Variants in ATRNL1 observed in about 807,000 individuals in gnomAD.
ATRNL1 encodes attractin like 1, also known as attractin-like protein 1.
Under a neutral mutation model 182.7 loss-of-function variants are expected in ATRNL1, and 95 were observed. That is an observed-to-expected ratio of 0.52 (90% CI 0.44 to 0.62). The LOEUF is 0.62. Ranked by LOEUF, ATRNL1 falls within the 20% of genes least tolerant of loss-of-function variation. The pLI is 0.00. For synonymous variants in ATRNL1, 576 were observed against 568.3 expected, an observed-to-expected ratio of 1.01 and a Z score of -0.19; for missense variants, 1,471 against 1,679.5, an observed-to-expected ratio of 0.88 and a Z score of 2.17.
intron 26 of ATRNL1, among the ~76,000 whole-genome samples, chr10:115,588,625 T>G (rs1855718405): frequency 6.6e-6 from 1 of 152,186 alleles, no homozygotes; most frequent in Non-Finnish European, 1.5e-5. Context: ...AGCTGGGAGT[T>G]TGGGGTTCCT....
chr10:115,594,968 T>G (rs1856144506), intron 26 of ATRNL1, among the ~76,000 whole-genome samples: 1 of 152,202 alleles, frequency 6.6e-6, no homozygotes, highest in African/African-American at 2.4e-5. Flanking sequence ...TCTATTGAGG[T>G]GTAATTTGCA....
intron 5 of ATRNL1, among the ~76,000 whole-genome samples, chr10:115,139,539 A>G (rs1845669737): frequency 6.6e-6 from 1 of 152,196 alleles, no homozygotes. Context: ...TACAACCATC[A>G]GATCTTGTGA....
chr10:115,133,716 C>T (rs564852838), intron 5 of ATRNL1, among the ~76,000 whole-genome samples: 2 of 152,322 alleles, frequency 1.3e-5, no homozygotes, highest in East Asian at 3.9e-4. Flanking sequence ...ATCTACAGAA[C>T]TCTCCACCCC....
At chr10:115,653,975 A>T (rs782645283) in intron 26 of ATRNL1, among the ~76,000 whole-genome samples, 4 of 152,180 alleles carry the variant, frequency 2.6e-5, no homozygotes, top group Non-Finnish European at 4.4e-5. Flanking sequence ...TACTGATATT[A>T]AATATGATTA....
At position 115,929,536 on chromosome 10, in the gene ATRNL1, C is replaced by A. The variant is rs75075716; in HGVS notation, c.4019-15122C>A. ...CAGAGACATGCCAGGTATGAAGGAACCCAAGGCTGGAGTAGGTCAGAGGGT... is the reference window on the plus strand; with the variant it reads ...CAGAGACATGCCAGGTATGAAGGAAACCAAGGCTGGAGTAGGTCAGAGGGT... On this transcript the variant is annotated intron_variant, in intron 28 of 28. Transcript: ENST00000355044. Among the ~76,000 whole-genome samples the A allele has an allele frequency of 5.3e-4, 81 of 152,180 alleles. No homozygotes were observed. In the East Asian group the frequency reaches 6.4e-3, roughly 12 times the overall value.
At chr10:115,174,655 T>A (rs782271820) in intron 8 of ATRNL1, among the ~76,000 whole-genome samples, 4 of 151,964 alleles carry the variant, frequency 2.6e-5, no homozygotes, top group African/African-American at 4.8e-5. Flanking sequence ...TAATTAACTC[T>A]GCCTTGTAGC....
At chr10:115,501,280 T>G (rs1849822634) in intron 24 of ATRNL1, among the ~76,000 whole-genome samples, 1 of 152,084 alleles carries the variant, frequency 6.6e-6, no homozygotes, top group African/African-American at 2.4e-5. Context: ...ATTTGTACCA[T>G]TAAATACCTA....
At chr10:115,876,874 G>A (rs541107761) in intron 28 of ATRNL1, among the ~76,000 whole-genome samples, 1 of 152,264 alleles carries the variant, frequency 6.6e-6, no homozygotes, top group African/African-American at 2.4e-5. Context: ...ACAGTTCCAG[G>A]AAAGGAAACA....
chr10:115,747,150 A>G (rs1257315689), intron 27 of ATRNL1, among the ~76,000 whole-genome samples: 1 of 152,136 alleles, frequency 6.6e-6, no homozygotes, highest in Non-Finnish European at 1.5e-5. Flanking sequence ...GATAGAAAAG[A>G]AACAAAATAC....
At chr10:115,237,949 C>T (rs1159599194) in intron 9 of ATRNL1, among the ~76,000 whole-genome samples, 1 of 152,266 alleles carries the variant, frequency 6.6e-6, no homozygotes, top group Non-Finnish European at 1.5e-5. Flanking sequence ...TCTGTTATTA[C>T]TACTGTGATG....
intron 5 of ATRNL1, among the ~76,000 whole-genome samples, chr10:115,140,204 CT>C (rs1845701642): frequency 6.6e-6 from 1 of 152,040 alleles, no homozygotes. Flanking sequence ...CCGTGGCTGC[CT>C]AGAGATATGA....
rs535108671 is a variant in ATRNL1 at position 115,898,960 on chromosome 10, CT to C, written c.4019-45688del. On this transcript the variant is annotated intron_variant, in intron 28 of 28. Transcript: ENST00000355044. ...TTACTTTTTTCTTCTCCTTTTTTTT[CT>C]TTTTTTTTTATTATACTTTAAGTTC... is the stretch of plus-strand genomic sequence containing the variant. Among the ~76,000 whole-genome samples the C allele has an allele frequency of 2.8e-3, 414 of 147,112 alleles. 2 individuals are homozygous for C. Among genetic ancestry groups the C allele is most frequent in the South Asian group, 0.013 (60 of 4,626 alleles).
chr10:115,885,189 T>C (rs1951914770), intron 28 of ATRNL1, among the ~76,000 whole-genome samples: 1 of 152,182 alleles, frequency 6.6e-6, no homozygotes, highest in African/African-American at 2.4e-5. Context: ...TTGTGTCTTA[T>C]CAAAAATAAA....
chr10:115,587,312 G>A (rs1255855415), intron 26 of ATRNL1, among the ~76,000 whole-genome samples: 7 of 152,186 alleles, frequency 4.6e-5, no homozygotes, highest in Non-Finnish European at 1.5e-5. Context: ...TGGCTGCTTT[G>A]TTTACCTGAC....
At chr10:115,327,359 A>G (rs1318771172) in intron 18 of ATRNL1, among the ~76,000 whole-genome samples, 20 of 152,152 alleles carry the variant, frequency 1.3e-4, no homozygotes, top group Non-Finnish European at 2.6e-4. Flanking sequence ...TGACCATCAG[A>G]GAAATGCAAA....
chr10:115,589,925 AT>A lies in ATRNL1; in HGVS notation c.3795+40393del, dbSNP rs1274562999. Among the ~76,000 whole-genome samples the A allele has an allele frequency of 2.0e-5, 3 of 152,004 alleles. No individual in the cohort carries two copies. The East Asian group carries it at 5.8e-4, about 29-fold the overall frequency. Reference sequence around the variant, plus strand: ...GCCATCTTCATTGCTCTTCTTTATTATTTTCTGTGTAAAACCGAATTCTATC... The same window carrying A: ...GCCATCTTCATTGCTCTTCTTTATTATTTCTGTGTAAAACCGAATTCTATC... On this transcript the variant is annotated intron_variant, in intron 26 of 28. Transcript: ENST00000355044.
At chr10:115,635,776 G>A (rs1362050344) in intron 26 of ATRNL1, among the ~76,000 whole-genome samples, 5 of 151,940 alleles carry the variant, frequency 3.3e-5, no homozygotes. Flanking sequence ...AGATAGTAAT[G>A]GTATGTTCTC....
intron 24 of ATRNL1, among the ~76,000 whole-genome samples, chr10:115,489,645 A>G (rs980364525): frequency 3.4e-4 from 52 of 152,148 alleles, no homozygotes; most frequent in African/African-American, 1.2e-3. Flanking sequence ...GGGTCTCCTG[A>G]ATACAGCACA....
At chr10:115,887,934 C>G (rs745745662) in intron 28 of ATRNL1, among the ~76,000 whole-genome samples, 2 of 152,078 alleles carry the variant, frequency 1.3e-5, no homozygotes, top group Non-Finnish European at 2.9e-5. Context: ...CTTATCCCCT[C>G]TAGTTTATTT....
Sources: gnomAD v4.1 joint callset for allele counts (sites outside exome capture counted in the v4.1 genomes callset) on GRCh38, gnomAD v4.1.1 for gene constraint, MANE v1.5 for transcripts, NCBI Gene and HGNC (gene_info 2026-07-23, HGNC 2026-07-21) for gene names.